Variants in MAST2 observed in about 807,000 individuals in gnomAD.
MAST2 encodes the protein microtubule-associated serine/threonine-protein kinase 2.
In MAST2, 70 loss-of-function variants were observed where a neutral mutation model predicts 147.4. The observed-to-expected ratio is 0.47, with a 90% CI of 0.39 to 0.58. The LOEUF (loss-of-function observed/expected upper bound fraction) is 0.58. MAST2 is among the 20% of genes least tolerant of loss of function. MAST2 has a pLI of 0.00. For synonymous variants in MAST2, 869 were observed against 896.8 expected, an observed-to-expected ratio of 0.97 and a Z score of 0.55; for missense variants, 2,080 against 2,302.3, an observed-to-expected ratio of 0.90 and a Z score of 1.98.
chr1:45,926,777 A>G (rs968330279), intron 4 of MAST2, among the ~76,000 whole-genome samples: 3 of 151,894 alleles, frequency 2.0e-5, no homozygotes, highest in Admixed American at 2.0e-4. Flanking sequence ...TTGAAAAGGT[A>G]AAATAATGAA....
chr1:45,940,339 A>G (rs190097717), intron 4 of MAST2, among the ~76,000 whole-genome samples: 456 of 152,186 alleles, frequency 3.0e-3, no homozygotes, highest in Admixed American at 5.9e-3. Context: ...AGTTTTCAGC[A>G]TACAAGTCTC....
chr1:45,895,170 C>T (rs1648530100), intron 4 of MAST2, among the ~76,000 whole-genome samples: 1 of 152,136 alleles, frequency 6.6e-6, no homozygotes, highest in Non-Finnish European at 1.5e-5. Context: ...TGACAAATGA[C>T]CTGCTTTTTT....
chr1:45,949,404 A>G (rs1019052346), intron 4 of MAST2, among the ~76,000 whole-genome samples: 2 of 152,222 alleles, frequency 1.3e-5, no homozygotes, highest in Non-Finnish European at 2.9e-5. Context: ...AAAGTGGGCA[A>G]AGGACGTGAA....
At chr1:45,809,920 C>G (rs1323290448) in intron 1 of MAST2, among the ~76,000 whole-genome samples, 1 of 152,172 alleles carries the variant, frequency 6.6e-6, no homozygotes, top group Non-Finnish European at 1.5e-5. Flanking sequence ...TTGTTTGATC[C>G]ATTCCTGGTC....
chr1:45,928,567 C>CT (rs11374683), intron 4 of MAST2, among the ~76,000 whole-genome samples: 63,324 of 143,574 alleles, frequency 0.44, 13,768 homozygotes, highest in East Asian at 0.62. Flanking sequence ...ATCACTCTTT[C>CT]TTTTTTTTTT....
rs146619748 is a variant in MAST2, at chr1:46,030,904, C to T, written c.2709-103C>T. ...AGGGTGGCTCCTGGAGGAATGTCTG[C>T]GGAGGAAAGTTCTGTTACTATAACC... On this transcript the variant is annotated intron_variant, in intron 22 of 28. Coordinates refer to ENST00000361297, the MANE Select transcript of MAST2 (RefSeq NM_015112.3). The T allele has an allele frequency of 2.3e-3, 3,386 of 1,481,870 alleles. 45 individuals are homozygous for T. The South Asian group carries it at 0.026, about 11-fold the overall frequency. 91.8% of individuals were successfully genotyped at this position (1,481,870 alleles called of 1,614,324 possible).
chr1:46,034,761 GC>G lies in MAST2; in HGVS notation c.4096del (p.Leu1366CysfsTer5). Reference sequence around the variant, plus strand: ...CAGCTTCACCTCAGCGGTCCCCATCGCCCCTGTCTGGCCATGTAGCCCAGGC... The same window carrying G: ...CAGCTTCACCTCAGCGGTCCCCATCGCCCTGTCTGGCCATGTAGCCCAGGC... The part of the protein sequence containing the change: ...PTASPQRSPS[P>X]LSGHVAQAFP... On this transcript the variant is annotated frameshift_variant, in exon 29 of 29. Transcript: ENST00000361297. LOFTEE classifies it low-confidence loss of function (END_TRUNC). 5 of 1,613,162 alleles carry G rather than the reference GC, an allele frequency of 3.1e-6. No individual in the cohort carries two copies. Among genetic ancestry groups the G allele is most frequent in the Non-Finnish European group, 4.2e-6 (5 of 1,179,868 alleles).
At chr1:45,806,558 C>T (rs577525222) in intron 1 of MAST2, among the ~76,000 whole-genome samples, 1 of 152,156 alleles carries the variant, frequency 6.6e-6, no homozygotes, top group Admixed American at 6.6e-5. Context: ...TACCACCATG[C>T]CCAGCTAATT....
At chr1:45,822,955 G>C (rs1644681972) in intron 1 of MAST2, among the ~76,000 whole-genome samples, 1 of 152,080 alleles carries the variant, frequency 6.6e-6, no homozygotes, top group Admixed American at 6.6e-5. Flanking sequence ...CTACAGTTAG[G>C]TGCCTGGACA....
chr1:45,924,412 T>C (rs1026374377), intron 4 of MAST2, among the ~76,000 whole-genome samples: 2 of 152,152 alleles, frequency 1.3e-5, no homozygotes, highest in African/African-American at 4.8e-5. Flanking sequence ...CAGTAAACAA[T>C]GTGCATAAGT....
At chr1:45,871,413 AAAC>A (rs1285651480) in intron 3 of MAST2, among the ~76,000 whole-genome samples, 1 of 152,198 alleles carries the variant, frequency 6.6e-6, no homozygotes, top group African/African-American at 2.4e-5. Flanking sequence ...CCAGTTTAAA[AAAC>A]AACAACAAAA....
At chr1:45,841,033 C>G (rs914766227) in intron 3 of MAST2, among the ~76,000 whole-genome samples, 2 of 152,108 alleles carry the variant, frequency 1.3e-5, no homozygotes, top group African/African-American at 4.8e-5. Flanking sequence ...CAGTCTGGAC[C>G]TCTTGGGCTT....
intron 5 of MAST2, among the ~76,000 whole-genome samples, chr1:45,966,825 G>A (rs1313299201): frequency 2.0e-5 from 3 of 148,462 alleles, no homozygotes; most frequent in Non-Finnish European, 4.4e-5. Flanking sequence ...TCATATCCTT[G>A]CCAGCATTTG....
intron 11 of MAST2, among the ~76,000 whole-genome samples, chr1:46,021,495 T>C (rs1025481596): frequency 1.3e-5 from 2 of 152,166 alleles, no homozygotes; most frequent in Admixed American, 6.5e-5. Context: ...TTTCAATGGA[T>C]TTCCAGCCTC....
At chr1:45,837,878 A>G (rs1645150284) in intron 3 of MAST2, among the ~76,000 whole-genome samples, 1 of 152,156 alleles carries the variant, frequency 6.6e-6, no homozygotes, top group African/African-American at 2.4e-5. Context: ...TCCCGGGTTC[A>G]AGCCATTCTC....
At chr1:45,844,759 T>A (rs1044988316) in intron 3 of MAST2, among the ~76,000 whole-genome samples, 51 of 152,232 alleles carry the variant, frequency 3.4e-4, no homozygotes, top group South Asian at 1.0e-3. Context: ...AAATAAAAAA[T>A]TTTTTTAGAT....
intron 3 of MAST2, among the ~76,000 whole-genome samples, chr1:45,863,875 A>G (rs1646060117): frequency 6.6e-6 from 1 of 152,196 alleles, no homozygotes; most frequent in Non-Finnish European, 1.5e-5. Context: ...ATTGAATTTA[A>G]TGTGTTAAAC....
rs114211129 is a variant in MAST2 at position 45,862,136 on chromosome 1, A to C, written c.469-20228A>C. The stretch of plus-strand genomic sequence containing the variant: ...TGCAAAATTTGCATAAATTTTGAGA[A>C]CCAAACAGGCTTTAAGGAAACCAGG... On this transcript the variant is annotated intron_variant, in intron 3 of 28. Transcript: ENST00000361297. Among the ~76,000 whole-genome samples, 534 of 152,370 alleles carry C rather than the reference A, an allele frequency of 3.5e-3. 3 individuals carry two copies. Among genetic ancestry groups the C allele is most frequent in the Admixed American group, 5.0e-3 (76 of 15,310 alleles).
intron 3 of MAST2, among the ~76,000 whole-genome samples, chr1:45,845,580 A>G (rs1175901997): frequency 2.0e-5 from 3 of 152,210 alleles, no homozygotes; most frequent in African/African-American, 4.8e-5. Flanking sequence ...TATGTTTTTC[A>G]TGATGCTGAA....
Sources: gnomAD v4.1 joint callset for allele counts (sites outside exome capture counted in the v4.1 genomes callset) on GRCh38, gnomAD v4.1.1 for gene constraint, MANE v1.5 for transcripts, NCBI Gene and HGNC (gene_info 2026-07-23, HGNC 2026-07-21) for gene names.